The following RNF139 variants were observed in gnomAD, a reference collection of about 807,000 sequenced individuals.
RNF139 encodes the protein E3 ubiquitin-protein ligase RNF139.
A neutral mutation model predicts 49.5 loss-of-function variants in RNF139; 15 were observed. That is an observed-to-expected ratio of 0.30 (90% CI 0.20 to 0.47). The LOEUF (loss-of-function observed/expected upper bound fraction) is 0.47. Among genes scored for constraint, RNF139 ranks in the 20% least tolerant of loss-of-function variants. The pLI is 1.00. For synonymous variants in RNF139, 325 were observed against 300.9 expected, an observed-to-expected ratio of 1.08 and a Z score of -0.83; for missense variants, 619 against 806.3, an observed-to-expected ratio of 0.77 and a Z score of 2.81.
intron 1 of RNF139, among the ~76,000 whole-genome samples, chr8:124,482,158 TTA>T (rs1352886677): frequency 6.6e-6 from 1 of 152,088 alleles, no homozygotes; most frequent in Non-Finnish European, 1.5e-5. Flanking sequence ...TCTTACTACA[TTA>T]TTTGTCTATC....
chr8:124,482,971 TA>T lies in RNF139; in HGVS notation c.182-2859del, dbSNP rs371115028. 1.8e-3 allele frequency among the ~76,000 whole-genome samples: 167 copies of T among 94,696 alleles called. 5 individuals carry two copies. The highest frequency in any genetic ancestry group is 4.2e-3 in the Admixed American group (29 of 6,928). 62.1% of individuals were successfully genotyped at this position (94,696 alleles called of 152,430 possible). A position where few individuals can be genotyped will look rare whatever the true frequency, so the allele number is the denominator to read the frequency against. On this transcript the variant is annotated intron_variant, in intron 1 of 1. Coordinates refer to ENST00000303545, the MANE Select transcript of RNF139 (RefSeq NM_007218.4). The stretch of plus-strand genomic sequence containing the variant: ...ATATATATATATAATATATATATAT[TA>T]TTTAAATATATATATATTTAAAAAT...
rs1296502371 is a variant in RNF139, at chr8:124,486,774, A to G, written c.1125A>G (p.Leu375=). Residue 375 remains leucine, a synonymous_variant, in exon 2 of 2, where the codon TTA becomes TTG. Coordinates refer to ENST00000303545, the MANE Select transcript of RNF139 (RefSeq NM_007218.4). ...HFIHGMTDPV[L]MSLSASHVSS... ...TCCATGGAATGACAGACCCTGTATT[A>G]ATGTCTCTCAGTGCCTCTCATGTGT... 2 of 1,613,808 alleles carry G rather than the reference A, an allele frequency of 1.2e-6. No homozygotes were observed. Among genetic ancestry groups the G allele is most frequent in the Non-Finnish European group, 1.7e-6 (2 of 1,179,998 alleles).
At chr8:124,479,167 T>C (rs1350897022) in intron 1 of RNF139, among the ~76,000 whole-genome samples, 2 of 150,994 alleles carry the variant, frequency 1.3e-5, no homozygotes, top group Non-Finnish European at 3.0e-5. Context: ...CTCAGCACAC[T>C]GCAACCTCCA....
intron 1 of RNF139, among the ~76,000 whole-genome samples, chr8:124,483,098 A>AT (rs1563631406): frequency 3.8e-5 from 1 of 26,254 alleles, no homozygotes; most frequent in Non-Finnish European, 7.2e-5. Flanking sequence ...TATATTTAAA[A>AT]ATATATATAT....
chr8:124,487,496 A>G lies in RNF139; in HGVS notation c.1847A>G (p.Glu616Gly). ...GFIPPNETPEEAVREAAAESD... is the reference protein window; with the variant it reads ...GFIPPNETPEGAVREAAAESD... ...ATTCCACCCAATGAAACTCCAGAGGAAGCTGTAAGAGAAGCTGCTGCTGAA... is the reference window on the plus strand; with the variant it reads ...ATTCCACCCAATGAAACTCCAGAGGGAGCTGTAAGAGAAGCTGCTGCTGAA... Residue 616 changes from glutamate (E) to glycine (G), a missense_variant, in exon 2 of 2, where the codon GAA becomes GGA. By Grantham distance (98) the Glu-to-Gly change is moderately conservative. Coordinates refer to ENST00000303545, the MANE Select transcript of RNF139 (RefSeq NM_007218.4). 6.2e-7 allele frequency: 1 copy of G among 1,614,124 alleles called. No individual in the cohort carries two copies. The highest frequency in any genetic ancestry group is 1.1e-5 in the South Asian group (1 of 91,080).
chr8:124,485,822 T>C lies in RNF139; in HGVS notation c.182-9T>C, dbSNP rs1191131377. The stretch of plus-strand genomic sequence containing the variant: ...TTCATTCAAATGACTTTTTCTTTCT[T>C]TCTTTTAGGTGTATTTGCATCCAGT... On this transcript the variant is annotated splice_polypyrimidine_tract_variant and intron_variant, in intron 1 of 1. Coordinates refer to ENST00000303545, the MANE Select transcript of RNF139 (RefSeq NM_007218.4). 11 of 1,562,804 alleles carry C rather than the reference T, an allele frequency of 7.0e-6. No homozygotes were observed. Among genetic ancestry groups the C allele is most frequent in the Admixed American group, 1.9e-5 (1 of 52,678 alleles).
chr8:124,481,303 A>G (rs1816403496), intron 1 of RNF139, among the ~76,000 whole-genome samples: 1 of 152,112 alleles, frequency 6.6e-6, no homozygotes, highest in South Asian at 2.1e-4. Flanking sequence ...ATGTTTTTCC[A>G]CAGGTTGCTT....
rs1489415563 is a variant in RNF139 at position 124,475,113 on chromosome 8, G to C, written c.4G>C (p.Ala2Pro). 1.3e-6 allele frequency: 2 copies of C among 1,590,794 alleles called. No homozygotes were observed. The highest frequency in any genetic ancestry group is 8.5e-7 in the Non-Finnish European group (1 of 1,171,976). M[A>P]AVGPPQQQVR... ...AGCCCTGGTGTGGCAGCGGCTCATG[G>C]CGGCCGTGGGGCCCCCGCAGCAGCA... is the stretch of plus-strand genomic sequence containing the variant. The change falls in exon 1 of 2, where the codon GCG becomes CCG. Residue 2 changes from alanine to proline, a missense_variant. By Grantham distance (27) the Ala-to-Pro change is conservative. Coordinates refer to ENST00000303545, the MANE Select transcript of RNF139 (RefSeq NM_007218.4).
chr8:124,488,064 G>A lies in RNF139; in HGVS notation c.*420G>A. 1 of 161,494 alleles carries A rather than the reference G, an allele frequency of 6.2e-6. No individual in the cohort carries two copies. Among genetic ancestry groups the A allele is most frequent in the Non-Finnish European group, 1.3e-5 (1 of 74,310 alleles). 10.0% of individuals were successfully genotyped at this position (161,494 alleles called of 1,614,324 possible). ...AATCAGGAAACCACATTAAAGTCAA[G>A]GAAATAAAATAATTTGACCAGAGGA... is the stretch of plus-strand genomic sequence containing the variant. On this transcript the variant is annotated 3_prime_UTR_variant, in exon 2 of 2. Coordinates refer to ENST00000303545, the MANE Select transcript of RNF139 (RefSeq NM_007218.4).
rs771279220 is a variant in RNF139 at position 124,486,903 on chromosome 8, A to G, written c.1254A>G (p.Thr418=). 3.7e-6 allele frequency: 6 copies of G among 1,613,890 alleles called. No individual in the cohort carries two copies. Among genetic ancestry groups the G allele is most frequent in the Admixed American group, 3.3e-5 (2 of 59,992 alleles). Residue 418 remains threonine, a synonymous_variant, in exon 2 of 2, where the codon ACA becomes ACG. Coordinates refer to ENST00000303545, the MANE Select transcript of RNF139 (RefSeq NM_007218.4). ...TTTGGCATCACTATGCACTAAATAC[A>G]TGGTTGTTTGCAGTTACAGCATTTT... ...YVLWHHYALN[T]WLFAVTAFCV...
intron 1 of RNF139, among the ~76,000 whole-genome samples, chr8:124,479,827 T>G (rs1390107153): frequency 6.6e-6 from 1 of 152,164 alleles, no homozygotes; most frequent in African/African-American, 2.4e-5. Context: ...TGAAGTACAT[T>G]GAGGTAAATA....
chr8:124,476,407 T>G (rs1166778418), intron 1 of RNF139, among the ~76,000 whole-genome samples: 1 of 152,210 alleles, frequency 6.6e-6, no homozygotes, highest in East Asian at 1.9e-4. Flanking sequence ...AACAGGGTCA[T>G]AGAGGTTAAG....
intron 1 of RNF139, among the ~76,000 whole-genome samples, chr8:124,482,995 AAT>A (rs1182614807): frequency 3.0e-5 from 3 of 101,440 alleles, no homozygotes; most frequent in Non-Finnish European, 5.5e-5. Context: ...TATATTTAAA[AAT>A]ATATATATTA....
chr8:124,477,316 CG>C (rs1816329956), intron 1 of RNF139, among the ~76,000 whole-genome samples: 2 of 152,212 alleles, frequency 1.3e-5, no homozygotes, highest in South Asian at 4.1e-4. Context: ...AAACTGATTT[CG>C]GTGCTAAAAA....
chr8:124,482,762 A>T (rs180709391), intron 1 of RNF139, among the ~76,000 whole-genome samples: 3 of 150,548 alleles, frequency 2.0e-5, no homozygotes, highest in East Asian at 3.9e-4. Flanking sequence ...CCCTGTCTCT[A>T]CTGAAAATGC....
Position 124,487,877 on chromosome 8 carries a change from A to AAT in RNF139, c.*234_*235dup. The stretch of plus-strand genomic sequence containing the variant: ...GTGTACATTATTGTACATAGAATAA[A>AAT]ATGTTTTCACATTTTTATGACAAAA... On this transcript the variant is annotated 3_prime_UTR_variant, in exon 2 of 2. Transcript: ENST00000303545. 1 of 413,056 alleles carries AAT rather than the reference A, an allele frequency of 2.4e-6. No individual in the cohort carries two copies. The highest frequency in any genetic ancestry group is 4.3e-6 in the Non-Finnish European group (1 of 233,920). The allele number at this position is 413,056 out of a possible 1,614,324, so 25.6% of individuals were successfully genotyped here. A position where few individuals can be genotyped will look rare whatever the true frequency, so the allele number is the denominator to read the frequency against.
intron 1 of RNF139, among the ~76,000 whole-genome samples, chr8:124,480,084 T>G (rs1816381400): frequency 6.6e-6 from 1 of 151,944 alleles, no homozygotes; most frequent in Admixed American, 6.6e-5. Flanking sequence ...AAGTGAGCTA[T>G]GATTGCATAA....
At chr8:124,475,346 C>T (rs902619309) in intron 1 of RNF139, 56 bp downstream of exon 1, 2 of 1,557,216 alleles carry the variant, frequency 1.3e-6, no homozygotes, top group Non-Finnish European at 8.7e-7. Flanking sequence ...GAGACGTTCC[C>T]CGGGGAGCGG....
Position 124,475,091 on chromosome 8 carries a change from C to A in RNF139, c.-19C>A. ...CGCGGCCCTGCCCGGCCCACCGAGCCCTGGTGTGGCAGCGGCTCATGGCGG... is the reference window on the plus strand; with the variant it reads ...CGCGGCCCTGCCCGGCCCACCGAGCACTGGTGTGGCAGCGGCTCATGGCGG... On this transcript the variant is annotated 5_prime_UTR_variant, in exon 1 of 2. Transcript: ENST00000303545. 1 of 1,544,412 alleles carries A rather than the reference C, an allele frequency of 6.5e-7. No individual in the cohort carries two copies. Among genetic ancestry groups the A allele is most frequent in the East Asian group, 2.4e-5 (1 of 40,872 alleles).
Sources: allele counts gnomAD v4.1 joint callset (sites outside exome capture counted in the v4.1 genomes callset), GRCh38; gene constraint gnomAD v4.1.1; transcripts MANE v1.5; gene names NCBI Gene and HGNC (gene_info 2026-07-23, HGNC 2026-07-21).